Variants in SNAPC4 observed in about 807,000 individuals in gnomAD.
SNAPC4 encodes the protein snRNA-activating protein complex subunit 4.
Under a neutral mutation model 151.3 loss-of-function variants are expected in SNAPC4, and 127 were observed. The observed-to-expected ratio is 0.84, with a 90% confidence interval of 0.73 to 0.97. The LOEUF (loss-of-function observed/expected upper bound fraction) is 0.97. SNAPC4 is among the 50% of genes least tolerant of loss of function. The pLI, the probability that SNAPC4 is intolerant of heterozygous loss-of-function variation, is 0.00. For synonymous variants in SNAPC4, 1,002 were observed against 824.4 expected (o/e 1.22, Z -3.69); for missense variants, 2,186 against 1,935.0 (o/e 1.13, Z -2.43).
Position 136,379,074 on chromosome 9 carries a change from G to T in SNAPC4, c.2753C>A (p.Pro918Gln). 6.3e-7 allele frequency: 1 copy of T among 1,578,530 alleles called. No homozygotes were observed. The highest frequency in any genetic ancestry group is 8.6e-7 in the Non-Finnish European group (1 of 1,162,946). Residue 918 changes from proline (P) to glutamine (Q), a missense_variant, in exon 22 of 24, where the codon CCG becomes CAG. Physicochemically the swap from Pro to Gln is moderately conservative, Grantham distance 76. Coordinates refer to ENST00000684778, the MANE Select transcript of SNAPC4 (RefSeq NM_003086.4). ...REATRGPVVL[P>Q]SQLLVSSSVI... Reference sequence around the variant, plus strand: ...AGACGAGGAGACCAGCAGCTGGGACGGGAGCACCACCGGGCCCCGGGTGGC... The same window carrying T: ...AGACGAGGAGACCAGCAGCTGGGACTGGAGCACCACCGGGCCCCGGGTGGC...
rs1450804038 is a variant in SNAPC4 at position 136,378,101 on chromosome 9, C to A, written c.3726G>T (p.Leu1242=). The stretch of plus-strand genomic sequence containing the variant: ...CCCCCTTCTCAGGCCCAGGCTGGCG[C>A]AGGGGCAGCTTCTCCAGGCCCAGAG... ...RGPLGLEKLP[L]RQPGPEKGAL... The change falls in exon 22 of 24, where the codon CTG becomes CTT. Residue 1242 remains leucine (L), a synonymous_variant. Transcript: ENST00000684778. 3 of 1,591,898 alleles carry A rather than the reference C, an allele frequency of 1.9e-6. No individual in the cohort carries two copies. The highest frequency in any genetic ancestry group is 2.6e-6 in the Non-Finnish European group (3 of 1,170,404).
In SNAPC4 at chr9:136,382,293, CTCA is replaced by C. The variant is rs1564382523; in HGVS notation, c.2024_2026del (p.Leu675del). ...AGCAGCCGTGTTGGCCCTGAGCACC[CTCA>C]GCACGGTCTCCACAGGCACTGTCAG... On this transcript the variant is annotated inframe_deletion, in exon 17 of 24. Transcript: ENST00000684778. The C allele has an allele frequency of 6.2e-7, 1 of 1,613,014 alleles. No individual in the cohort carries two copies. Among genetic ancestry groups the C allele is most frequent in the Non-Finnish European group, 8.5e-7 (1 of 1,179,976 alleles).
rs372833257 is a variant in SNAPC4, at chr9:136,384,028, G to A, written c.1425C>T (p.His475=). Residue 475 remains histidine (H), a synonymous_variant, in exon 15 of 24, where the codon CAC becomes CAT. Coordinates refer to ENST00000684778, the MANE Select transcript of SNAPC4 (RefSeq NM_003086.4). ...IELIEKYGVG[H]WAKIASELPH... ...GCAGCTCAGAAGCTATTTTTGCCCA[G>A]TGACCTGCAAAAGCCAAACCCCATG... 1.9e-6 allele frequency: 3 copies of A among 1,613,450 alleles called. No homozygotes were observed. The highest frequency in any genetic ancestry group is 1.7e-6 in the Non-Finnish European group (2 of 1,179,764).
intron 13 of SNAPC4, among the ~76,000 whole-genome samples, chr9:136,387,235 T>A (rs1833919873): frequency 6.6e-6 from 1 of 152,210 alleles, no homozygotes; most frequent in Non-Finnish European, 1.5e-5. Flanking sequence ...CTGTCTCAAG[T>A]GGAGCCCATG....
intron 11 of SNAPC4, among the ~76,000 whole-genome samples, chr9:136,388,192 G>A (rs778997664): frequency 5.3e-5 from 8 of 151,926 alleles, no homozygotes; most frequent in Non-Finnish European, 5.9e-5. Flanking sequence ...GCTTGAACCC[G>A]GGAGGCAGAG....
chr9:136,384,913 G>A (rs963314450), intron 13 of SNAPC4, 99 bp from the exon 14 acceptor site: 5 of 620,604 alleles, frequency 8.1e-6, no homozygotes, highest in African/African-American at 7.6e-5. Flanking sequence ...TGACACTAAA[G>A]GCGCAAGCAA....
At position 136,378,413 on chromosome 9, in the gene SNAPC4, G is replaced by C. The variant is rs1833550352; in HGVS notation, c.3414C>G (p.Ala1138=). The part of the protein sequence containing the change: ...PALSSSWQPP[A]NMNREPEPSC... ...AAGGCTCCGGTTCCCTGTTCATATT[G>C]GCTGGGGGCTGCCAAGAGCTGCTCA... is the stretch of plus-strand genomic sequence containing the variant. Residue 1138 remains alanine, a synonymous_variant, in exon 22 of 24, where the codon GCC becomes GCG. Coordinates refer to ENST00000684778, the MANE Select transcript of SNAPC4 (RefSeq NM_003086.4). 6.2e-7 allele frequency: 1 copy of C among 1,603,828 alleles called. No homozygotes were observed. Among genetic ancestry groups the C allele is most frequent in the Non-Finnish European group, 8.5e-7 (1 of 1,177,316 alleles).
At position 136,395,677 on chromosome 9, in the gene SNAPC4, T is replaced by C. The variant is rs761937905; in HGVS notation, c.271A>G (p.Met91Val). ...EDPETCLQLNMVYQEVIQEKL... is the reference protein window; with the variant it reads ...EDPETCLQLNVVYQEVIQEKL... ...TCCTGGATGACCTCCTGGTAGACCA[T>C]GTTCAGCTGCAGGCAGGTTTCTGGG... The change falls in exon 4 of 24, where the codon ATG (methionine) becomes GTG (valine). Residue 91 changes from methionine to valine, a missense_variant. Met to Val is a conservative substitution (Grantham distance 21). Transcript: ENST00000684778. The C allele has an allele frequency of 3.1e-6, 5 of 1,613,272 alleles. No individual in the cohort carries two copies. The highest frequency in any genetic ancestry group is 2.2e-5 in the South Asian group (2 of 91,088).
Position 136,384,041 on chromosome 9 carries a change from G to A in SNAPC4, c.1421-9C>T, listed in dbSNP as rs932370758. 6.2e-7 allele frequency: 1 copy of A among 1,612,220 alleles called. No individual in the cohort carries two copies. Among genetic ancestry groups the A allele is most frequent in the Non-Finnish European group, 8.5e-7 (1 of 1,178,770 alleles). Reference sequence around the variant, plus strand: ...TATTTTTGCCCAGTGACCTGCAAAAGCCAAACCCCATGGAAATGCCTTCAT... The same window carrying A: ...TATTTTTGCCCAGTGACCTGCAAAAACCAAACCCCATGGAAATGCCTTCAT... On this transcript the variant is annotated splice_polypyrimidine_tract_variant and intron_variant, in intron 14 of 23. Transcript: ENST00000684778.
At chr9:136,399,965 C>G (rs1208710559) in intron 1 of SNAPC4, among the ~76,000 whole-genome samples, 169 bp downstream of exon 1, 1 of 152,110 alleles carries the variant, frequency 6.6e-6, no homozygotes, top group South Asian at 2.1e-4. Context: ...CGCGCCCAGG[C>G]TCGGCCGGAC....
chr9:136,385,218 C>T (rs901058744), intron 13 of SNAPC4, among the ~76,000 whole-genome samples: 1 of 152,210 alleles, frequency 6.6e-6, no homozygotes, highest in Non-Finnish European at 1.5e-5. Flanking sequence ...CAGGGAAGCG[C>T]ACGTCAAAAC....
At position 136,394,275 on chromosome 9, in the gene SNAPC4, C is replaced by G; in HGVS notation, c.606G>C (p.Gln202His). The G allele has an allele frequency of 6.2e-7, 1 of 1,613,956 alleles. No individual in the cohort carries two copies. The change falls in exon 7 of 24, where the codon CAG becomes CAC. Residue 202 changes from glutamine to histidine, a missense_variant. By Grantham distance (24) the Gln-to-His change is conservative. Coordinates refer to ENST00000684778, the MANE Select transcript of SNAPC4 (RefSeq NM_003086.4). ...LRKSVVSDRL[Q>H]RLLQPKLLKL... ...TCAGTAACTTGGGCTGAAGCAATCG[C>G]TGCAGGCGGTCACTCACCACTGACT...
intron 6 of SNAPC4, among the ~76,000 whole-genome samples, 179 bp from the exon 7 acceptor site, chr9:136,394,509 G>A (rs750836663): frequency 6.6e-6 from 1 of 152,202 alleles, no homozygotes; most frequent in Non-Finnish European, 1.5e-5. Context: ...GAGGCCTGGC[G>A]CCAGCTCACA....
chr9:136,376,452 A>T lies in SNAPC4; in HGVS notation c.4314T>A (p.Ala1438=), dbSNP rs767634309. The change falls in exon 23 of 24, where the codon GCT becomes GCA. Residue 1438 remains alanine, a synonymous_variant. Coordinates refer to ENST00000684778, the MANE Select transcript of SNAPC4 (RefSeq NM_003086.4). ...QGAPDSGKCS[A]SSCLDTSNDP... The stretch of plus-strand genomic sequence containing the variant: ...CATTAGAAGTATCCAGGCAGGAGGA[A>T]GCAGAGCATTTACCAGAGTCTGGGG... 1 of 1,613,412 alleles carries T rather than the reference A, an allele frequency of 6.2e-7. No homozygotes were observed. Among genetic ancestry groups the T allele is most frequent in the Non-Finnish European group, 8.5e-7 (1 of 1,179,882 alleles).
chr9:136,383,555 GCTGCTGCTGCTGCTC>G lies in SNAPC4; in HGVS notation c.1599_1613del (p.Ser538_Ser542del). The G allele has an allele frequency of 6.2e-7, 1 of 1,605,682 alleles. No homozygotes were observed. The highest frequency in any genetic ancestry group is 1.3e-5 in the African/African-American group (1 of 74,912). ...GCTCGTCCTCCTCGCTGCTGCTGCT[GCTGCTGCTGCTGCTC>G]CCTCCACTGCTGCCACTGCTGCTGC... On this transcript the variant is annotated inframe_deletion, in exon 16 of 24. Transcript: ENST00000684778. This position sits in a 1 kb window ranked among gnomAD's most constrained non-coding sequence, Gnocchi z 4.2.
intron 1 of SNAPC4, among the ~76,000 whole-genome samples, chr9:136,399,768 G>A (rs1834390394): frequency 6.6e-6 from 1 of 152,214 alleles, no homozygotes; most frequent in Non-Finnish European, 1.5e-5. Flanking sequence ...CCCGGCCCAG[G>A]CCCAGTTCCG....
At chr9:136,376,542 A>T (rs1833454263) in intron 22 of SNAPC4, 61 bp from the exon 23 acceptor site, 6 of 1,595,424 alleles carry the variant, frequency 3.8e-6, no homozygotes, top group Non-Finnish European at 5.1e-6. Flanking sequence ...ATGGACGGGG[A>T]AGGGACGGGA....
intron 4 of SNAPC4, 49 bp from the exon 5 acceptor site, chr9:136,395,472 C>A (rs778693155): frequency 1.3e-6 from 2 of 1,597,000 alleles, no homozygotes; most frequent in Non-Finnish European, 1.7e-6. Context: ...GCAGCAATGA[C>A]TCTCCCTGCG....
At chr9:136,380,188 G>A (rs13293639) in intron 20 of SNAPC4, among the ~76,000 whole-genome samples, 1 of 152,096 alleles carries the variant, frequency 6.6e-6, no homozygotes, top group East Asian at 1.9e-4. Context: ...GTCGTGCCCT[G>A]CACAGCAGGC....
Sources: gnomAD v4.1 joint callset for allele counts (sites outside exome capture counted in the v4.1 genomes callset) on GRCh38, gnomAD v4.1.1 for gene constraint, Gnocchi (gnomAD v3.1) non-coding constraint, MANE v1.5 for transcripts, NCBI Gene and HGNC (gene_info 2026-07-23, HGNC 2026-07-21) for gene names.